The following BCAR1 variants were observed in gnomAD, a reference collection of about 807,000 sequenced individuals.
BCAR1 encodes the protein BCAR1 scaffold protein, Cas family member, also known as breast cancer anti-estrogen resistance protein 1.
A neutral mutation model predicts 67.6 loss-of-function variants in BCAR1; 30 were observed. That is an observed-to-expected ratio of 0.44 (90% CI 0.33 to 0.60). The LOEUF (loss-of-function observed/expected upper bound fraction) is 0.60, where lower values mean the gene tolerates loss of function less well. Among genes scored for constraint, BCAR1 ranks in the 20% least tolerant of loss-of-function variants. The pLI is 0.02. For synonymous variants in BCAR1, 626 were observed against 556.7 expected (o/e 1.12, Z -1.75); for missense variants, 1,313 against 1,222.3 (o/e 1.07, Z -1.11).
upstream of BCAR1, among the ~76,000 whole-genome samples, chr16:75,256,513 A>AT (rs2077780593): frequency 8.0e-6 from 1 of 124,792 alleles, no homozygotes; most frequent in Non-Finnish European, 1.7e-5. Flanking sequence ...CACAGCACGG[A>AT]TGGGGGGGGG....
At chr16:75,232,185 G>A (rs1380517068) in intron 6 of BCAR1, among the ~76,000 whole-genome samples, 1 of 144,484 alleles carries the variant, frequency 6.9e-6, no homozygotes, top group South Asian at 2.2e-4. Context: ...TTTTGAGACG[G>A]AATCTCACCC....
At chr16:75,247,847 G>A (rs969008582) in intron 1 of BCAR1, 1 of 602,834 alleles carries the variant, frequency 1.7e-6, no homozygotes, top group South Asian at 1.9e-5. Context: ...CACAAGGTGG[G>A]AGCTGGGAGA....
At chr16:75,251,647 C>T (rs2077683592), upstream of BCAR1, 2 of 998,292 alleles carry the variant, frequency 2.0e-6, no homozygotes, top group Admixed American at 6.0e-5. Flanking sequence ...CCTGCCGCCA[C>T]GGCCCAGCCG....
At chr16:75,252,225 C>T (rs1361028476), upstream of BCAR1, 4 of 1,536,552 alleles carry the variant, frequency 2.6e-6, no homozygotes, top group African/African-American at 5.5e-5. Flanking sequence ...TTTTCACGGG[C>T]AGCACCTACC....
rs11865029 is a variant in BCAR1 at position 75,266,879 on chromosome 16, C to T, written c.66+1036G>A. The T allele has an allele frequency of 0.021, 21,626 of 1,022,460 alleles. 2,143 individuals are homozygous for T. The African/African-American group carries it at 0.26, about 12-fold the overall frequency. The allele number at this position is 1,022,460 out of a possible 1,614,324, so 63.3% of individuals were successfully genotyped here. On this transcript the variant is annotated intron_variant, in intron 1 of 6. Coordinates refer to the BCAR1 transcript ENST00000393422. ...AGCCAGCTCCATGAGGCTGGTTTGC[C>T]GCAGCCCGGGCTCATGGCGGGGACC...
chr16:75,252,369 G>A (rs1030785982), upstream of BCAR1: 179 of 1,518,696 alleles, frequency 1.2e-4, no homozygotes, highest in African/African-American at 9.1e-4. Context: ...CAACTCATCT[G>A]CTTCAGCGAC....
chr16:75,256,333 G>A (rs2077774284), upstream of BCAR1: 1 of 152,362 alleles, frequency 6.6e-6, no homozygotes, highest in African/African-American at 2.4e-5. Flanking sequence ...GCGGGGCAGT[G>A]TTTGTCATTA....
Position 75,235,772 on chromosome 16 carries a change from G to A in BCAR1, c.1127C>T (p.Pro376Leu), listed in dbSNP as rs1432162228. The change falls in exon 5 of 7, where the codon CCT becomes CTT. Residue 376 changes from proline (P) to leucine (L), a missense_variant. By Grantham distance (98) the Pro-to-Leu change is moderately conservative. Coordinates refer to ENST00000162330, the MANE Select transcript of BCAR1 (RefSeq NM_014567.5). ...PPAPDLYDVP[P>L]GLRRPGPGTL... ...GCCCGGGCCAGGCCGCCGCAAGCCA[G>A]GGGGCACGTCGTAGAGGTCAGGAGC... is the stretch of plus-strand genomic sequence containing the variant. The A allele has an allele frequency of 1.9e-6, 3 of 1,592,988 alleles. No individual in the cohort carries two copies. In the Admixed American group the frequency reaches 5.1e-5, roughly 27 times the overall value.
intron 1 of BCAR1, among the ~76,000 whole-genome samples, chr16:75,262,244 C>CA (rs919752061): frequency 6.6e-5 from 10 of 152,196 alleles, no homozygotes; most frequent in African/African-American, 2.4e-4. Flanking sequence ...GGGGGCTCCA[C>CA]GGTACTCCTG....
chr16:75,241,213 C>T (rs2077327901), intron 2 of BCAR1, among the ~76,000 whole-genome samples: 1 of 152,180 alleles, frequency 6.6e-6, no homozygotes, highest in Admixed American at 6.5e-5. Flanking sequence ...CGTGTTCATG[C>T]ATATGATGTG....
rs373043101 is a variant in BCAR1 at position 75,235,609 on chromosome 16, G to A, written c.1290C>T (p.Ser430=). ...APAEGKRLSA[S]STGSTRSSQS... ...GGCTGCTGCGTGTGCTGCCGGTGCT[G>A]GAGGCCGACAGGCGCTTGCCCTCTG... Residue 430 remains serine (S), a synonymous_variant, in exon 5 of 7, where the codon TCC becomes TCT. Coordinates refer to ENST00000162330, the MANE Select transcript of BCAR1 (RefSeq NM_014567.5). 3.9e-5 allele frequency: 63 copies of A among 1,597,180 alleles called. No homozygotes were observed. Among genetic ancestry groups the A allele is most frequent in the Non-Finnish European group, 5.3e-5 (62 of 1,170,964 alleles).
chr16:75,240,757 C>T (rs920406958), intron 2 of BCAR1, among the ~76,000 whole-genome samples: 3 of 152,210 alleles, frequency 2.0e-5, no homozygotes, highest in Non-Finnish European at 4.4e-5. Flanking sequence ...CAGGGCTCTC[C>T]TTCCTGGGCC....
chr16:75,245,192 C>A (rs2077476169), intron 1 of BCAR1, among the ~76,000 whole-genome samples: 1 of 152,172 alleles, frequency 6.6e-6, no homozygotes. Flanking sequence ...ATATGGTCTG[C>A]AGCCTGCCTC....
upstream of BCAR1, among the ~76,000 whole-genome samples, chr16:75,255,763 G>A (rs1356142710): frequency 4.0e-5 from 6 of 151,852 alleles, no homozygotes; most frequent in South Asian, 2.1e-4. Flanking sequence ...AGGCCAAGGC[G>A]GGCAGATCAT....
chr16:75,238,666 C>T (rs958152606), intron 2 of BCAR1: 12 of 985,966 alleles, frequency 1.2e-5, no homozygotes, highest in Non-Finnish European at 1.4e-5. Context: ...CGGCTGGGGG[C>T]CTCCGTGGGG....
At chr16:75,253,816 A>G (rs2077725942), upstream of BCAR1, among the ~76,000 whole-genome samples, 1 of 152,152 alleles carries the variant, frequency 6.6e-6, no homozygotes, top group South Asian at 2.1e-4. Context: ...CCCCACCCCC[A>G]GTCCAGCCTC....
chr16:75,228,197 A>T lies in BCAR1; in HGVS notation c.*1314T>A, dbSNP rs2076772786. ...ATAAAGCCATTGAGAGCAACTGCATACACCTTTACCTCTGTGTCCTCACCA... is the reference window on the plus strand; with the variant it reads ...ATAAAGCCATTGAGAGCAACTGCATTCACCTTTACCTCTGTGTCCTCACCA... On this transcript the variant is annotated 3_prime_UTR_variant, in exon 7 of 7. Transcript: ENST00000162330. The T allele has an allele frequency of 6.6e-6, 1 of 152,326 alleles. No homozygotes were observed. Among genetic ancestry groups the T allele is most frequent in the Non-Finnish European group, 1.5e-5 (1 of 68,094 alleles). The allele number at this position is 152,326 out of a possible 1,614,324, so 9.4% of individuals were successfully genotyped here. A position where few individuals can be genotyped will look rare whatever the true frequency, so the allele number is the denominator to read the frequency against.
intron 1 of BCAR1, among the ~76,000 whole-genome samples, chr16:75,245,093 A>C (rs555492872): frequency 6.6e-6 from 1 of 152,340 alleles, no homozygotes; most frequent in East Asian, 1.9e-4. Flanking sequence ...CCAGAGCCCC[A>C]CAGAGGAGCG....
At chr16:75,236,517 G>C (rs1429913659) in intron 4 of BCAR1, 4 of 372,618 alleles carry the variant, frequency 1.1e-5, no homozygotes, top group Non-Finnish European at 1.9e-5. Flanking sequence ...ATTATCAGGG[G>C]ACCAAATTCT....
Sources: allele counts gnomAD v4.1 joint callset (sites outside exome capture counted in the v4.1 genomes callset), GRCh38; gene constraint gnomAD v4.1.1; transcripts MANE v1.5; gene names NCBI Gene and HGNC (gene_info 2026-07-23, HGNC 2026-07-21).